Variants in CFAP74 observed in about 807,000 individuals in gnomAD.
CFAP74 encodes the protein cilia and flagella associated protein 74.
A neutral mutation model predicts 188.9 loss-of-function variants in CFAP74; 124 were observed. That is an observed-to-expected ratio of 0.66 (90% CI 0.57 to 0.76). The LOEUF (loss-of-function observed/expected upper bound fraction) is 0.76. Among genes scored for constraint, CFAP74 ranks in the 30% least tolerant of loss-of-function variants. The probability of loss-of-function intolerance (pLI) is 0.00; values close to 1 mark genes in which losing one functional copy is unlikely to be tolerated. For synonymous variants in CFAP74, 956 were observed against 916.7 expected (o/e 1.04, Z -0.77); for missense variants, 2,198 against 2,165.2 (o/e 1.02, Z -0.30).
Position 1,965,076 on chromosome 1 carries a change from G to T in CFAP74, c.1402-15C>A. 6.2e-7 allele frequency: 1 copy of T among 1,609,286 alleles called. No homozygotes were observed. Among genetic ancestry groups the T allele is most frequent in the South Asian group, 1.1e-5 (1 of 90,806 alleles). ...TCCTTGGGCACCTGGGGGTCACAGA[G>T]ACAGAGGCTGGGGCTGTTAGCGGCT... On this transcript the variant is annotated splice_polypyrimidine_tract_variant and intron_variant, in intron 12 of 38. Coordinates refer to ENST00000682832, the MANE Select transcript of CFAP74 (RefSeq NM_001304360.2).
intron 16 of CFAP74, among the ~76,000 whole-genome samples, chr1:1,958,352 G>T (rs941129994): frequency 3.9e-5 from 6 of 152,238 alleles, no homozygotes; most frequent in Non-Finnish European, 8.8e-5. Flanking sequence ...GCCTTGACCT[G>T]AGAATTCTTA....
chr1:1,948,408 T>TGTAA (rs1429819357), intron 18 of CFAP74, among the ~76,000 whole-genome samples: 1 of 45,326 alleles, frequency 2.2e-5, no homozygotes, highest in East Asian at 6.9e-4. Flanking sequence ...GCTTGGCATA[T>TGTAA]ATAAATATAT....
At chr1:1,971,869 G>A (rs1312143977) in intron 9 of CFAP74, 111 bp downstream of exon 9, 4 of 818,936 alleles carry the variant, frequency 4.9e-6, no homozygotes, top group African/African-American at 1.7e-5. Context: ...AAGTGCGCGG[G>A]TCAGCCCTGG....
At chr1:1,991,856 AG>A (rs1657593947) in intron 1 of CFAP74, among the ~76,000 whole-genome samples, 1 of 151,708 alleles carries the variant, frequency 6.6e-6, no homozygotes, top group Admixed American at 6.6e-5. Context: ...TGGCTAGCAC[AG>A]TGAAACCCCA....
intron 27 of CFAP74, among the ~76,000 whole-genome samples, 171 bp downstream of exon 27, chr1:1,928,613 T>C (rs888783074): frequency 6.6e-6 from 1 of 152,184 alleles, no homozygotes; most frequent in African/African-American, 2.4e-5. Context: ...AGGGTCTTGG[T>C]GAGCAAGCTT....
chr1:1,961,450 C>A (rs1198821404), intron 14 of CFAP74, among the ~76,000 whole-genome samples: 1 of 152,178 alleles, frequency 6.6e-6, no homozygotes, highest in Non-Finnish European at 1.5e-5. Context: ...CCCACTCCAG[C>A]AACAAGAGGC....
chr1:1,971,813 G>A (rs931572520), intron 9 of CFAP74, among the ~76,000 whole-genome samples, 167 bp downstream of exon 9: 11 of 152,256 alleles, frequency 7.2e-5, no homozygotes, highest in Non-Finnish European at 1.3e-4. Flanking sequence ...CACGGAACCC[G>A]TGGGCAAATC....
intron 13 of CFAP74, among the ~76,000 whole-genome samples, 192 bp downstream of exon 13, chr1:1,964,696 A>G (rs1447213826): frequency 6.6e-6 from 1 of 152,238 alleles, no homozygotes; most frequent in East Asian, 1.9e-4. Context: ...AGGCTGAGGC[A>G]GGAGAATCGC....
chr1:1,983,166 A>T (rs28737396), intron 6 of CFAP74, among the ~76,000 whole-genome samples: 46,034 of 152,034 alleles, frequency 0.3, 7,255 homozygotes, highest in Non-Finnish European at 0.34. Flanking sequence ...AACGGTGGAA[A>T]GCCAACTAAT....
intron 20 of CFAP74, 84 bp downstream of exon 20, chr1:1,946,233 C>T: frequency 2.1e-6 from 3 of 1,448,696 alleles, no homozygotes; most frequent in South Asian, 2.8e-5. Context: ...CAAATGGCGA[C>T]CTTGTGGCCA....
intron 18 of CFAP74, chr1:1,955,213 C>A (rs878905087): frequency 1.6e-6 from 2 of 1,289,354 alleles, no homozygotes; most frequent in East Asian, 5.5e-5. Context: ...GGAAAACGAT[C>A]AAGAGAAGCA....
chr1:1,944,554 TG>T, intron 20 of CFAP74, 102 bp from the exon 21 acceptor site: 1 of 1,243,212 alleles, frequency 8.0e-7, no homozygotes, highest in Non-Finnish European at 1.1e-6. Context: ...TTCATGGGCT[TG>T]AGTTTTCTAA....
intron 18 of CFAP74, among the ~76,000 whole-genome samples, chr1:1,948,377 A>ATCCTCCCGGCTCAG (rs1558014120): frequency 6.7e-6 from 1 of 149,874 alleles, no homozygotes; most frequent in African/African-American, 2.5e-5. Context: ...GTTTCAAGTG[A>ATCCTCCCGGCTCAG]CCACAGATGC....
chr1:1,926,095 G>A, intron 32 of CFAP74, 133 bp downstream of exon 32: 1 of 1,414,512 alleles, frequency 7.1e-7, no homozygotes, highest in Non-Finnish European at 9.4e-7. Flanking sequence ...GAGGGCCTGG[G>A]GGCCAGGCTG....
chr1:1,939,904 T>A, intron 23 of CFAP74, 137 bp from the exon 24 acceptor site: 1 of 865,438 alleles, frequency 1.2e-6, no homozygotes, highest in Non-Finnish European at 1.8e-6. Context: ...GGCCGTCTCT[T>A]CATAAAACCC....
rs1558051352 is a variant in CFAP74, at chr1:1,978,222, CT to C, written c.501-4025del. Among the ~76,000 whole-genome samples, 4 of 152,314 alleles carry C rather than the reference CT, an allele frequency of 2.6e-5. No homozygotes were observed. In the East Asian group the frequency reaches 7.7e-4, roughly 29 times the overall value. On this transcript the variant is annotated intron_variant, in intron 6 of 38. Coordinates refer to ENST00000682832, the MANE Select transcript of CFAP74 (RefSeq NM_001304360.2). ...CATTATGGCTCCAGTGAGGAGAGTC[CT>C]GTGCCCTTTGAAAGCACCGAGGGGC... is the stretch of plus-strand genomic sequence containing the variant.
At chr1:1,966,628 C>G (rs1162109367) in intron 11 of CFAP74, 102 bp from the exon 12 acceptor site, 7 of 1,119,886 alleles carry the variant, frequency 6.3e-6, no homozygotes, top group South Asian at 2.5e-5. Flanking sequence ...TGCCTGCCCC[C>G]GTTCTTCTGC....
chr1:1,993,874 C>A (rs894985959), intron 1 of CFAP74, among the ~76,000 whole-genome samples: 3 of 150,678 alleles, frequency 2.0e-5, no homozygotes, highest in South Asian at 2.1e-4. Context: ...CCCAGCTACT[C>A]GGGAGGCTGA....
chr1:1,986,868 G>T, intron 5 of CFAP74, 69 bp downstream of exon 5: 1 of 1,344,852 alleles, frequency 7.4e-7, no homozygotes, highest in South Asian at 1.2e-5. Context: ...GCCTCACTTT[G>T]GGTGAACCAG....
Sources: gnomAD v4.1 joint callset for allele counts (sites outside exome capture counted in the v4.1 genomes callset) on GRCh38, gnomAD v4.1.1 for gene constraint, MANE v1.5 for transcripts, NCBI Gene and HGNC (gene_info 2026-07-23, HGNC 2026-07-21) for gene names.